Variants in LRRC74B observed in about 807,000 individuals in gnomAD.
The protein encoded by LRRC74B is leucine-rich repeat-containing protein 74B.
In LRRC74B, 30 loss-of-function variants were observed where a neutral mutation model predicts 16.6. The observed-to-expected ratio is 1.80, with a 90% CI of 1.35 to 2.45. The LOEUF (loss-of-function observed/expected upper bound fraction) is 2.45. LRRC74B is among the 30% of genes most tolerant of loss of function. The pLI is 0.00. For synonymous variants in LRRC74B, 134 were observed against 86.0 expected, an observed-to-expected ratio of 1.56 and a Z score of -3.09; for missense variants, 326 against 202.4, an observed-to-expected ratio of 1.61 and a Z score of -3.71.
Position 21,057,746 on chromosome 22 carries a change from C to A in LRRC74B, c.1023+546C>A, listed in dbSNP as rs1037927691. ...GGTTCTCCTGTCTAAGCTCCCCAAG[C>A]AGCTGGAAGTACAGGTACAGGTCAC... On this transcript the variant is annotated intron_variant, in intron 8 of 8. Coordinates refer to ENST00000442047, the Ensembl canonical transcript of LRRC74B. 2.1e-5 allele frequency among the ~76,000 whole-genome samples: 3 copies of A among 141,150 alleles called. No homozygotes were observed. In the South Asian group the frequency reaches 7.4e-4, roughly 35 times the overall value. 92.6% of individuals were successfully genotyped at this position (141,150 alleles called of 152,430 possible).
intron 4 of LRRC74B, among the ~76,000 whole-genome samples, chr22:21,051,645 T>G (rs1302447209): frequency 6.6e-6 from 1 of 152,224 alleles, no homozygotes; most frequent in East Asian, 1.9e-4. Context: ...TAATCCAGCC[T>G]CATCACTTCC....
chr22:21,060,750 A>G (rs878999110), downstream of LRRC74B, among the ~76,000 whole-genome samples: 1 of 152,140 alleles, frequency 6.6e-6, no homozygotes, highest in East Asian at 1.9e-4. Context: ...CCTGTCACAC[A>G]AACCCCTACT....
chr22:21,062,807 C>T (rs1930874166), downstream of LRRC74B: 1 of 151,002 alleles, frequency 6.6e-6, no homozygotes, highest in South Asian at 2.1e-4. Flanking sequence ...ATGGGAGGAT[C>T]ACTTGAAGCC....
chr22:21,057,108 T>A lies in LRRC74B; in HGVS notation c.931T>A (p.Ser311Thr). 2 of 717,442 alleles carry A rather than the reference T, an allele frequency of 2.8e-6. 1 individual carries two copies. Among genetic ancestry groups the A allele is most frequent in the Non-Finnish European group, 5.2e-6 (2 of 385,080 alleles). The allele number at this position is 717,442 out of a possible 1,614,324, so 44.4% of individuals were successfully genotyped here. ...GCTTTGTGTGCGTGTTTCTCAGGTG[T>A]CCAGGAATCCCATGCGAAGTGAAGG... Residue 311 changes from serine to threonine, a missense_variant, in exon 8 of 9, where the codon TCC (serine) becomes ACC (threonine). Ser to Thr is a moderately conservative substitution (Grantham distance 58). Transcript: ENST00000442047.
At chr22:21,048,680 G>T (rs1156878846) in intron 3 of LRRC74B, 1 of 478,006 alleles carries the variant, frequency 2.1e-6, no homozygotes, top group Non-Finnish European at 3.8e-6. Flanking sequence ...GCCATCGACG[G>T]TATAGCTGCC....
intron 2 of LRRC74B, 82 bp from the exon 3 acceptor site, chr22:21,047,802 T>G: frequency 1.5e-6 from 1 of 687,422 alleles, no homozygotes; most frequent in Admixed American, 2.1e-5. Flanking sequence ...GGGAGGGCTT[T>G]CCAGCTGGAG....
At chr22:21,048,920 C>T (rs750683560) in intron 3 of LRRC74B, 31 bp from the exon 4 acceptor site, 22 of 710,524 alleles carry the variant, frequency 3.1e-5, no homozygotes, top group Non-Finnish European at 5.5e-5. Flanking sequence ...GCTTTGCATC[C>T]CACTGGCCGA....
chr22:21,055,185 TAGCCTGATGACTG>T lies in LRRC74B; in HGVS notation c.927+12_927+24del, dbSNP rs761640830. ...CGCTGAGGATTCTTGTAGTGAGTGC[TAGCCTGATGACTG>T]AGACACCAGCACAGACCTGCCCTGT... is the stretch of plus-strand genomic sequence containing the variant. On this transcript the variant is annotated intron_variant, in intron 7 of 8. Transcript: ENST00000442047. The T allele has an allele frequency of 6.7e-4, 479 of 714,824 alleles. 5 individuals carry two copies. The Middle Eastern group carries it at 0.013, about 19-fold the overall frequency. The allele number at this position is 714,824 out of a possible 1,614,324, so 44.3% of individuals were successfully genotyped here.
chr22:21,048,868 G>C (rs1232864592), intron 3 of LRRC74B, 83 bp from the exon 4 acceptor site: 1 of 681,718 alleles, frequency 1.5e-6, no homozygotes, highest in Non-Finnish European at 2.7e-6. Context: ...CTCAGCCTCA[G>C]ACCTGGAGGT....
intron 6 of LRRC74B, 91 bp from the exon 7 acceptor site, chr22:21,055,007 A>G (rs1359772880): frequency 3.4e-5 from 23 of 679,662 alleles, no homozygotes; most frequent in Non-Finnish European, 4.9e-5. Flanking sequence ...GGTGGCTGCA[A>G]TGGCAGCTCC....
At chr22:21,052,110 A>G (rs1056699354) in intron 4 of LRRC74B, 139 bp from the exon 5 acceptor site, 8 of 640,998 alleles carry the variant, frequency 1.2e-5, no homozygotes, top group Admixed American at 2.4e-5. Flanking sequence ...TGAGTTCCTT[A>G]AGGGCACCGC....
intron 1 of LRRC74B, 49 bp downstream of exon 1, chr22:21,046,174 TC>T (rs1194435764): frequency 1.5e-5 from 11 of 711,398 alleles, no homozygotes; most frequent in Admixed American, 4.0e-5. Context: ...GGGGGTCTTC[TC>T]CCGCAGGGGT....
At chr22:21,051,715 C>T (rs1930064483) in intron 4 of LRRC74B, among the ~76,000 whole-genome samples, 1 of 152,234 alleles carries the variant, frequency 6.6e-6, no homozygotes, top group African/African-American at 2.4e-5. Flanking sequence ...TGGCTTGGCA[C>T]ACAAGGCCCC....
chr22:21,057,429 T>C (rs1930600411), intron 8 of LRRC74B, among the ~76,000 whole-genome samples: 2 of 151,908 alleles, frequency 1.3e-5, no homozygotes, highest in South Asian at 4.2e-4. Context: ...CTGCCTGGGT[T>C]CTTCATTGGC....
chr22:21,060,157 C>T (rs1204623987), intron 8 of LRRC74B, among the ~76,000 whole-genome samples: 5 of 152,204 alleles, frequency 3.3e-5, no homozygotes, highest in South Asian at 2.1e-4. Flanking sequence ...TGACACAGTA[C>T]GATCCCATTT....
At chr22:21,052,711 A>G (rs917693102) in intron 5 of LRRC74B, among the ~76,000 whole-genome samples, 1 of 152,164 alleles carries the variant, frequency 6.6e-6, no homozygotes, top group Non-Finnish European at 1.5e-5. Flanking sequence ...CTTGGATGCC[A>G]GCACAGCCTC....
At chr22:21,056,868 C>T in intron 7 of LRRC74B, 1 of 490,698 alleles carries the variant, frequency 2.0e-6, no homozygotes, top group Middle Eastern at 5.4e-4. Flanking sequence ...TTCTTAAAGG[C>T]AAGGGTGTGT....
rs185350469 is a variant in LRRC74B at position 21,049,371 on chromosome 22, T to C, written c.622+214T>C. On this transcript the variant is annotated intron_variant, in intron 4 of 8. Transcript: ENST00000442047. ...TCTCATTGCGCGCTGCTGTATGTGC[T>C]GGGCACTGACTTAGCCACCAGGGAT... 3,322 of 561,402 alleles carry C rather than the reference T, an allele frequency of 5.9e-3. 7 individuals are homozygous for C. The highest frequency in any genetic ancestry group is 0.027 in the South Asian group (1,033 of 38,662). The allele number at this position is 561,402 out of a possible 1,614,324, so 34.8% of individuals were successfully genotyped here. A position where few individuals can be genotyped will look rare whatever the true frequency, so the allele number is the denominator to read the frequency against.
At chr22:21,051,455 C>G (rs908644010) in intron 4 of LRRC74B, among the ~76,000 whole-genome samples, 1 of 152,148 alleles carries the variant, frequency 6.6e-6, no homozygotes, top group Non-Finnish European at 1.5e-5. Context: ...AGGCTCACAC[C>G]ACTGCCTGGC....
Sources: gnomAD v4.1 joint callset for allele counts (sites outside exome capture counted in the v4.1 genomes callset) on GRCh38, gnomAD v4.1.1 for gene constraint, MANE v1.5 for transcripts, NCBI Gene and HGNC (gene_info 2026-07-23, HGNC 2026-07-21) for gene names.